Variants in JAK1 observed in about 807,000 individuals in gnomAD.
JAK1 encodes the protein Janus kinase 1.
In JAK1, 16 loss-of-function variants were observed where a neutral mutation model predicts 136.6. That is an observed-to-expected ratio of 0.12 (90% confidence interval 0.08 to 0.18). The LOEUF is 0.18. Ranked by LOEUF, JAK1 falls within the 10% of genes least tolerant of loss-of-function variation. The pLI is 1.00. For missense variants in JAK1, 859 were observed against 1,450.1 expected (o/e 0.59, Z 6.62); for synonymous variants, 492 against 519.5 (o/e 0.95, Z 0.72).
intron 1 of JAK1, among the ~76,000 whole-genome samples, chr1:64,910,374 T>C (rs1320333901): frequency 6.6e-6 from 1 of 152,160 alleles, no homozygotes; most frequent in African/African-American, 2.4e-5. Flanking sequence ...ATCAAATGCA[T>C]TGCTCTCGTT....
At chr1:64,852,031 G>C (rs780789615) in intron 11 of JAK1, among the ~76,000 whole-genome samples, 1 of 152,212 alleles carries the variant, frequency 6.6e-6, no homozygotes, top group Non-Finnish European at 1.5e-5. Flanking sequence ...GCTGCTGAGC[G>C]CCGGGTCCCT....
intron 17 of JAK1, among the ~76,000 whole-genome samples, chr1:64,842,772 T>G (rs1347615639): frequency 6.6e-6 from 1 of 152,118 alleles, no homozygotes; most frequent in Non-Finnish European, 1.5e-5. Context: ...TAAATATGAA[T>G]TTCCCAAAAG....
intron 2 of JAK1, among the ~76,000 whole-genome samples, chr1:65,029,816 A>C (rs999514181): frequency 6.6e-6 from 1 of 152,338 alleles, no homozygotes; most frequent in South Asian, 2.1e-4. Flanking sequence ...TGGAGGGTAG[A>C]GAAAGAGGAT....
intron 2 of JAK1, among the ~76,000 whole-genome samples, chr1:65,015,591 A>G (rs563113071): frequency 6.6e-6 from 1 of 152,324 alleles, no homozygotes; most frequent in African/African-American, 2.4e-5. Context: ...CAGTTAATTA[A>G]AATGAATAAA....
Position 64,901,416 on chromosome 1 carries a change from C to T in JAK1, c.-77-15075G>A, listed in dbSNP as rs543677449. On this transcript the variant is annotated intron_variant, in intron 1 of 24. Coordinates refer to ENST00000342505, the MANE Select transcript of JAK1 (RefSeq NM_002227.4). The stretch of plus-strand genomic sequence containing the variant: ...ACCCACGAAGAAGCCCACATGCTTA[C>T]TCTTCTTTCTAATGGAACACCATGC... 8.5e-5 allele frequency among the ~76,000 whole-genome samples: 13 copies of T among 152,302 alleles called. No homozygotes were observed. The South Asian group carries it at 2.7e-3, about 32-fold the overall frequency.
intron 1 of JAK1, among the ~76,000 whole-genome samples, chr1:65,047,997 C>T (rs529715): frequency 0.17 from 25,816 of 151,942 alleles, 2,792 homozygotes; most frequent in East Asian, 0.32. Context: ...ACTTCTGAGC[C>T]CACGGACCTA....
In JAK1 at chr1:64,870,165, C is replaced by A. The variant is rs778761174; in HGVS notation, c.484-691G>T. Among the ~76,000 whole-genome samples the A allele has an allele frequency of 2.8e-4, 42 of 152,164 alleles. 1 individual carries two copies. The highest frequency in any genetic ancestry group is 2.0e-3 in the Admixed American group (30 of 15,282). On this transcript the variant is annotated intron_variant, in intron 5 of 24. Coordinates refer to ENST00000342505, the MANE Select transcript of JAK1 (RefSeq NM_002227.4). ...CCAGTGCCGGCTCCCACTGATTAAA[C>A]CCTGCCTCAGTGCTGCCACACAGTG...
At chr1:64,915,725 T>C (rs1016166803) in intron 1 of JAK1, among the ~76,000 whole-genome samples, 20 of 152,244 alleles carry the variant, frequency 1.3e-4, no homozygotes, top group African/African-American at 4.6e-4. Context: ...GTGGCTACCA[T>C]GTGGCTAGTG....
At chr1:64,846,590 C>G in intron 14 of JAK1, 59 bp downstream of exon 14, 1 of 1,306,110 alleles carries the variant, frequency 7.7e-7, no homozygotes, top group Non-Finnish European at 1.1e-6. Flanking sequence ...TCCACCATCT[C>G]CACAGCACCC....
chr1:64,948,243 T>A (rs949361415), intron 1 of JAK1, among the ~76,000 whole-genome samples: 2 of 152,222 alleles, frequency 1.3e-5, no homozygotes, highest in Non-Finnish European at 2.9e-5. Flanking sequence ...GTATACTGAC[T>A]CTCGTATGAA....
chr1:64,894,289 T>G (rs1644981268), intron 1 of JAK1, among the ~76,000 whole-genome samples: 1 of 152,130 alleles, frequency 6.6e-6, no homozygotes, highest in Admixed American at 6.5e-5. Flanking sequence ...TGAACCTAGT[T>G]TGCCCTCAGT....
At chr1:64,999,229 A>G (rs1380867620) in intron 2 of JAK1, among the ~76,000 whole-genome samples, 1 of 152,232 alleles carries the variant, frequency 6.6e-6, no homozygotes, top group Admixed American at 6.5e-5. Flanking sequence ...TCAGCATGAC[A>G]TAATAGGCTG....
In JAK1 at chr1:64,844,644, AC is replaced by A. The variant is rs1655111195; in HGVS notation, c.2251+109del. The A allele has an allele frequency of 3.8e-5, 50 of 1,301,148 alleles. No individual in the cohort carries two copies. In the South Asian group the frequency reaches 6.2e-4, roughly 16 times the overall value. The allele number at this position is 1,301,148 out of a possible 1,614,324, so 80.6% of individuals were successfully genotyped here. On this transcript the variant is annotated intron_variant, in intron 16 of 24. Transcript: ENST00000342505. This position sits in a 1 kb window ranked among gnomAD's most constrained non-coding sequence, Gnocchi z 5.7. ...GGTGAAACCCCGTCTCTACTAAAAT[AC>A]AAAAAAAAAATGACTCTCTAAAAGG...
chr1:64,981,042 A>G (rs1646540849), intron 2 of JAK1, among the ~76,000 whole-genome samples: 1 of 152,160 alleles, frequency 6.6e-6, no homozygotes, highest in South Asian at 2.1e-4. Flanking sequence ...TAATTTCTCA[A>G]CTGATTTTTT....
intron 1 of JAK1, among the ~76,000 whole-genome samples, chr1:64,963,288 T>C (rs371677014): frequency 6.6e-6 from 1 of 152,216 alleles, no homozygotes; most frequent in East Asian, 1.9e-4. Context: ...TGTGCTTAAA[T>C]GGACAAGCGA....
intron 1 of JAK1, among the ~76,000 whole-genome samples, chr1:64,933,875 C>T (rs1257847844): frequency 1.3e-5 from 2 of 152,208 alleles, no homozygotes; most frequent in African/African-American, 4.8e-5. Context: ...ACTGAAGTGA[C>T]TAACTTTGAA....
chr1:64,846,821 G>A, intron 13 of JAK1, 85 bp from the exon 14 acceptor site: 1 of 1,050,978 alleles, frequency 9.5e-7, no homozygotes, highest in Non-Finnish European at 1.4e-6. Flanking sequence ...GAAAGCCAGT[G>A]GACCCAGGAA....
chr1:64,865,143 G>A (rs1034799390), intron 7 of JAK1, among the ~76,000 whole-genome samples, 171 bp from the exon 8 acceptor site: 2 of 152,196 alleles, frequency 1.3e-5, no homozygotes, highest in Non-Finnish European at 2.9e-5. Flanking sequence ...TAGGACCAAA[G>A]AACTGGGTTG....
intron 1 of JAK1, among the ~76,000 whole-genome samples, chr1:65,065,325 C>A (rs1647991878): frequency 6.6e-6 from 1 of 152,086 alleles, no homozygotes; most frequent in Non-Finnish European, 1.5e-5. Flanking sequence ...TCAGCTATTC[C>A]TTAGCCAGCA....
Sources: allele counts gnomAD v4.1 joint callset (sites outside exome capture counted in the v4.1 genomes callset), GRCh38; gene constraint gnomAD v4.1.1; non-coding constraint Gnocchi (gnomAD v3.1); transcripts MANE v1.5; gene names NCBI Gene and HGNC (gene_info 2026-07-23, HGNC 2026-07-21).